The following SDK1 variants were observed in gnomAD, a reference collection of about 807,000 sequenced individuals.
SDK1 encodes sidekick cell adhesion molecule 1.
In SDK1, 157 loss-of-function variants were observed where a neutral mutation model predicts 245.5. The ratio of observed to expected loss-of-function variants is 0.64; its 90% CI spans 0.56 to 0.73. SDK1 has a LOEUF of 0.73. Ranked by LOEUF, SDK1 falls within the 30% of genes least tolerant of loss-of-function variation. The probability of loss-of-function intolerance (pLI) is 0.00; values close to 1 mark genes in which losing one functional copy is unlikely to be tolerated. For synonymous variants in SDK1, 1,647 were observed against 1,278.5 expected (o/e 1.29, Z -6.15); for missense variants, 3,583 against 3,002.3 (o/e 1.19, Z -4.52).
chr7:3,924,535 T>C (rs925907418), intron 5 of SDK1, among the ~76,000 whole-genome samples: 2 of 152,170 alleles, frequency 1.3e-5, no homozygotes, highest in Non-Finnish European at 2.9e-5. Flanking sequence ...ACAGGGAGAA[T>C]GACCGATGCT....
At chr7:3,760,074 C>A (rs569320701) in intron 4 of SDK1, among the ~76,000 whole-genome samples, 1 of 151,772 alleles carries the variant, frequency 6.6e-6, no homozygotes, top group East Asian at 1.9e-4. Flanking sequence ...ATTATCATAA[C>A]GTTGACTGTT....
chr7:3,957,649 C>A (rs986907384), intron 7 of SDK1, among the ~76,000 whole-genome samples: 1 of 152,140 alleles, frequency 6.6e-6, no homozygotes, highest in Non-Finnish European at 1.5e-5. Context: ...CACAAGGGCC[C>A]TGACAGCAGG....
chr7:3,615,778 C>T (rs1355092715), intron 1 of SDK1, among the ~76,000 whole-genome samples: 2 of 151,636 alleles, frequency 1.3e-5, no homozygotes, highest in African/African-American at 4.8e-5. Flanking sequence ...GGACTGGTGT[C>T]CTCCCACTAT....
chr7:3,968,633 G>A (rs531530758), intron 10 of SDK1, among the ~76,000 whole-genome samples: 28 of 152,176 alleles, frequency 1.8e-4, no homozygotes, highest in African/African-American at 6.3e-4. Context: ...ACTAAAAACC[G>A]ATCACCCAAA....
At chr7:3,563,137 G>A (rs576014915) in intron 1 of SDK1, among the ~76,000 whole-genome samples, 4 of 152,084 alleles carry the variant, frequency 2.6e-5, no homozygotes, top group Admixed American at 1.3e-4. Context: ...AGCAAGAGGT[G>A]CAGCTTTTAA....
intron 19 of SDK1, among the ~76,000 whole-genome samples, 164 bp downstream of exon 19, chr7:4,051,994 A>G (rs1186353356): frequency 6.6e-6 from 1 of 152,114 alleles, no homozygotes; most frequent in Non-Finnish European, 1.5e-5. Flanking sequence ...CAGTACTGAT[A>G]ATGCCTCGCA....
intron 35 of SDK1, among the ~76,000 whole-genome samples, chr7:4,198,986 G>T (rs1783739942): frequency 6.6e-6 from 1 of 151,872 alleles, no homozygotes; most frequent in Admixed American, 6.6e-5. Flanking sequence ...GCTAATTTTT[G>T]TGTTTTTAGT....
At chr7:3,636,363 C>A (rs75248698) in intron 2 of SDK1, among the ~76,000 whole-genome samples, 1 of 152,114 alleles carries the variant, frequency 6.6e-6, no homozygotes, top group Non-Finnish European at 1.5e-5. Flanking sequence ...GATTCCTCCC[C>A]GCTTCCCCTC....
chr7:3,653,218 C>T (rs1480171712), intron 4 of SDK1, among the ~76,000 whole-genome samples: 5 of 152,178 alleles, frequency 3.3e-5, no homozygotes, highest in Admixed American at 6.5e-5. Context: ...CACATAGCTT[C>T]GTGCAGCCTC....
intron 5 of SDK1, among the ~76,000 whole-genome samples, chr7:3,852,455 A>G (rs1780441006): frequency 6.6e-6 from 1 of 151,842 alleles, no homozygotes; most frequent in African/African-American, 2.4e-5. Flanking sequence ...TTTATTTAAA[A>G]GTTTTTTTTT....
chr7:3,364,407 C>A (rs929260264), intron 1 of SDK1, among the ~76,000 whole-genome samples: 2 of 152,108 alleles, frequency 1.3e-5, no homozygotes, highest in African/African-American at 4.8e-5. Flanking sequence ...TTTAAAAGTT[C>A]TGTAGTTTTA....
At chr7:3,693,133 T>C (rs899574085) in intron 4 of SDK1, among the ~76,000 whole-genome samples, 7 of 152,054 alleles carry the variant, frequency 4.6e-5, no homozygotes, top group African/African-American at 1.7e-4. Context: ...TTAACGATAT[T>C]AATAATTTTT....
intron 5 of SDK1, among the ~76,000 whole-genome samples, chr7:3,922,200 T>TTCCCACCAGTCC (rs145568056): frequency 0.03 from 4,494 of 152,268 alleles, 223 homozygotes; most frequent in African/African-American, 0.1. Context: ...GTGAGTCTGA[T>TTCCCACCAGTCC]TGGCAGATTC....
intron 1 of SDK1, among the ~76,000 whole-genome samples, chr7:3,615,771 C>G (rs1781748284): frequency 6.6e-6 from 1 of 151,688 alleles, no homozygotes; most frequent in Admixed American, 6.6e-5. Context: ...GGCCTCTGGA[C>G]TGGTGTCCTC....
chr7:4,147,810 C>T lies in SDK1; in HGVS notation c.4424-1452C>T, dbSNP rs1171849342. Among the ~76,000 whole-genome samples, 6 of 152,110 alleles carry T rather than the reference C, an allele frequency of 3.9e-5. 1 individual carries two copies. Among genetic ancestry groups the T allele is most frequent in the Admixed American group, 3.3e-4 (5 of 15,268 alleles). On this transcript the variant is annotated intron_variant, in intron 29 of 44. Coordinates refer to ENST00000404826, the MANE Select transcript of SDK1 (RefSeq NM_152744.4). ...AAGATGGTAATGGCTCCCAAGCAAA[C>T]GTTTTGACTTCTTTCTCTAATGTAT...
chr7:3,315,582 G>T (rs1268153386), intron 1 of SDK1, among the ~76,000 whole-genome samples: 1 of 152,172 alleles, frequency 6.6e-6, no homozygotes, highest in Non-Finnish European at 1.5e-5. Context: ...TTTATAATAT[G>T]ATGCAGTGAG....
At chr7:3,554,957 T>C (rs930959820) in intron 1 of SDK1, among the ~76,000 whole-genome samples, 2 of 152,206 alleles carry the variant, frequency 1.3e-5, no homozygotes, top group African/African-American at 4.8e-5. Context: ...TGGAAAGATA[T>C]TACATGTTTG....
At chr7:3,701,064 G>A (rs866933818) in intron 4 of SDK1, among the ~76,000 whole-genome samples, 10 of 152,204 alleles carry the variant, frequency 6.6e-5, no homozygotes, top group East Asian at 3.9e-4. Context: ...GGCTATCTAC[G>A]TAGAAAATTC....
At chr7:4,181,668 C>A (rs674794) in intron 35 of SDK1, among the ~76,000 whole-genome samples, 9 of 152,166 alleles carry the variant, frequency 5.9e-5, no homozygotes, top group Middle Eastern at 3.4e-3. Flanking sequence ...GCCCAGAGGC[C>A]TGGGCTCTGC....
Sources: gnomAD v4.1 joint callset for allele counts (sites outside exome capture counted in the v4.1 genomes callset) on GRCh38, gnomAD v4.1.1 for gene constraint, MANE v1.5 for transcripts, NCBI Gene and HGNC (gene_info 2026-07-23, HGNC 2026-07-21) for gene names.